The following ABCC1 variants were observed in gnomAD, a reference collection of about 807,000 sequenced individuals.
ABCC1 encodes the protein multidrug resistance-associated protein 1.
Under a neutral mutation model 172.9 loss-of-function variants are expected in ABCC1, and 83 were observed. The observed-to-expected ratio is 0.48, with a 90% CI of 0.40 to 0.58. ABCC1 has a LOEUF of 0.58. ABCC1 is among the 20% of genes least tolerant of loss of function. The pLI, the probability that ABCC1 is intolerant of heterozygous loss-of-function variation, is 0.00. For missense variants in ABCC1, 1,817 were observed against 2,002.7 expected (o/e 0.91, Z 1.77); for synonymous variants, 937 against 825.2 (o/e 1.14, Z -2.32).
intron 3 of ABCC1, among the ~76,000 whole-genome samples, chr16:16,010,357 G>A (rs545241449): frequency 6.6e-6 from 1 of 152,280 alleles, no homozygotes; most frequent in East Asian, 1.9e-4. Flanking sequence ...TGCAGTCTTT[G>A]GATGGGGCAT....
At chr16:16,026,433 A>C (rs1260271067) in intron 5 of ABCC1, among the ~76,000 whole-genome samples, 3 of 19,274 alleles carry the variant, frequency 1.6e-4, no homozygotes, top group Non-Finnish European at 4.8e-4. Context: ...AAACCGTCTC[A>C]AAAAAAAAAA....
chr16:16,010,792 G>A (rs1304602094), intron 3 of ABCC1, among the ~76,000 whole-genome samples: 2 of 152,198 alleles, frequency 1.3e-5, no homozygotes, highest in Non-Finnish European at 2.9e-5. Context: ...AGGCAAGAGA[G>A]GTTAAGTGTC....
chr16:16,129,010 A>G (rs1305707161), intron 26 of ABCC1, among the ~76,000 whole-genome samples: 1 of 136,736 alleles, frequency 7.3e-6, no homozygotes, highest in Non-Finnish European at 1.6e-5. Flanking sequence ...ACAAAAAAAC[A>G]AAGAAGTTTA....
At chr16:16,083,928 T>G (rs2050907009) in intron 17 of ABCC1, among the ~76,000 whole-genome samples, 4 of 152,264 alleles carry the variant, frequency 2.6e-5, no homozygotes, top group African/African-American at 7.2e-5. Flanking sequence ...GGAAGTACAT[T>G]CTACCTTTGT....
At chr16:15,952,613 G>A (rs990022389) in intron 1 of ABCC1, among the ~76,000 whole-genome samples, 1 of 150,964 alleles carries the variant, frequency 6.6e-6, no homozygotes, top group African/African-American at 2.4e-5. Flanking sequence ...GCAGCCCTTG[G>A]CTTTCTTTTC....
At chr16:15,963,074 C>T (rs1036200981) in intron 1 of ABCC1, among the ~76,000 whole-genome samples, 2 of 152,220 alleles carry the variant, frequency 1.3e-5, no homozygotes, top group Admixed American at 6.5e-5. Flanking sequence ...GATAAATACA[C>T]CCGTTTGAAA....
intron 1 of ABCC1, among the ~76,000 whole-genome samples, chr16:15,960,574 G>T (rs2046104583): frequency 6.6e-6 from 1 of 152,138 alleles, no homozygotes; most frequent in African/African-American, 2.4e-5. Context: ...GATTTCAGAT[G>T]CTGGCAAGTG....
At chr16:16,034,023 CTTTTTTT>C (rs10580146) in intron 6 of ABCC1, among the ~76,000 whole-genome samples, 5 of 86,830 alleles carry the variant, frequency 5.8e-5, no homozygotes, top group Non-Finnish European at 8.4e-5. Flanking sequence ...TAAGCATCAT[CTTTTTTT>C]TTTTTTTTTT....
chr16:16,091,302 C>T (rs578123394), intron 19 of ABCC1, among the ~76,000 whole-genome samples: 10 of 151,596 alleles, frequency 6.6e-5, no homozygotes, highest in Admixed American at 3.3e-4. Flanking sequence ...CAGTGGCTCA[C>T]GCCTGTAATC....
chr16:16,068,182 C>T lies in ABCC1; in HGVS notation c.1704C>T (p.Tyr568=), dbSNP rs8187858. The T allele has an allele frequency of 0.088, 142,520 of 1,614,076 alleles. 7,117 individuals carry two copies. The highest frequency in any genetic ancestry group is 0.1 in the Non-Finnish European group (122,238 of 1,179,970). ...TGGCCTTGTGCACATTTGCCGTCTA[C>T]GTGACCATTGACGAGAACAACATCC... ...FLVALCTFAV[Y]VTIDENNILD... Residue 568 remains tyrosine (Y), a synonymous_variant, in exon 13 of 31, where the codon TAC becomes TAT. Coordinates refer to ENST00000399410, the MANE Select transcript of ABCC1 (RefSeq NM_004996.4).
intron 26 of ABCC1, among the ~76,000 whole-genome samples, chr16:16,130,168 C>T (rs2045617455): frequency 6.6e-6 from 1 of 152,216 alleles, no homozygotes; most frequent in Non-Finnish European, 1.5e-5. Context: ...TGAAAGGACC[C>T]TCCCACATGG....
In ABCC1 at chr16:16,124,335, G is replaced by GTGTGTGTGTGTGTGTGTGTGTGTGTGTA. The variant is rs766911904; in HGVS notation, c.3591-440_3591-439insTGTGTGTGTGTGTATGTGTGTGTGTGTG. ...ATGCACTGTGTGTGTGTGTGTGTGT[G>GTGTGTGTGTGTGTGTGTGTGTGTGTGTA]TGTGTGTGTGTGTGATTATAGGAGT... On this transcript the variant is annotated intron_variant, in intron 24 of 30. Coordinates refer to ENST00000399410, the MANE Select transcript of ABCC1 (RefSeq NM_004996.4). Among the ~76,000 whole-genome samples the GTGTGTGTGTGTGTGTGTGTGTGTGTGTA allele has an allele frequency of 1.4e-3, 126 of 87,972 alleles. 11 individuals carry two copies. Among genetic ancestry groups the GTGTGTGTGTGTGTGTGTGTGTGTGTGTA allele is most frequent in the African/African-American group, 4.0e-3 (89 of 22,448 alleles). The allele number at this position is 87,972 out of a possible 152,430, so 57.7% of individuals were successfully genotyped here.
At chr16:15,952,737 AAAAAAAAG>A (rs1398577481) in intron 1 of ABCC1, among the ~76,000 whole-genome samples, 1 of 149,434 alleles carries the variant, frequency 6.7e-6, no homozygotes, top group Non-Finnish European at 1.5e-5. Flanking sequence ...AAAAAAAAAA[AAAAAAAAG>A]CAGGCCGGGT....
chr16:16,095,460 G>A (rs1005320367), intron 19 of ABCC1, among the ~76,000 whole-genome samples: 2 of 152,230 alleles, frequency 1.3e-5, no homozygotes, highest in African/African-American at 4.8e-5. Flanking sequence ...CAGGCAAGCA[G>A]GGTAGAGGCC....
intron 14 of ABCC1, among the ~76,000 whole-genome samples, chr16:16,074,491 G>A (rs555094253): frequency 6.6e-6 from 1 of 152,316 alleles, no homozygotes; most frequent in Admixed American, 6.5e-5. Flanking sequence ...TGGTACTGAA[G>A]TTGTTCACAG....
chr16:16,086,880 C>T lies in ABCC1; in HGVS notation c.2349C>T (p.Tyr783=). ...GCGTGAGCCTGGCCCGGGCCGTGTA[C>T]TCCAACGCTGACATTTACCTCTTCG... ...KQRVSLARAV[Y]SNADIYLFDD... is the part of the protein sequence containing the mutation. The change falls in exon 18 of 31, where the codon TAC becomes TAT. Residue 783 remains tyrosine, a synonymous_variant. Transcript: ENST00000399410. 4 of 1,614,234 alleles carry T rather than the reference C, an allele frequency of 2.5e-6. No homozygotes were observed. In the East Asian group the frequency reaches 8.9e-5, roughly 36 times the overall value.
At chr16:15,984,793 T>C (rs1320854616) in intron 1 of ABCC1, among the ~76,000 whole-genome samples, 3 of 152,066 alleles carry the variant, frequency 2.0e-5, no homozygotes, top group African/African-American at 7.2e-5. Flanking sequence ...CGTACACACA[T>C]ATATATTTTT....
intron 1 of ABCC1, among the ~76,000 whole-genome samples, chr16:15,994,651 G>A (rs1354846015): frequency 6.6e-6 from 1 of 152,114 alleles, no homozygotes; most frequent in Admixed American, 6.6e-5. Context: ...ATCATGCAGA[G>A]GAGAAAATTC....
At chr16:16,088,153 A>G (rs969793121) in intron 18 of ABCC1, among the ~76,000 whole-genome samples, 14 of 144,356 alleles carry the variant, frequency 9.7e-5, no homozygotes, top group African/African-American at 3.3e-4. Context: ...GTGTGTGTGC[A>G]TGTATATAAA....
Sources: gnomAD v4.1 joint callset for allele counts (sites outside exome capture counted in the v4.1 genomes callset) on GRCh38, gnomAD v4.1.1 for gene constraint, MANE v1.5 for transcripts, NCBI Gene and HGNC (gene_info 2026-07-23, HGNC 2026-07-21) for gene names.